The following BNIP2 variants were observed in gnomAD, a reference collection of about 807,000 sequenced individuals.
BNIP2 encodes BCL2/adenovirus E1B 19 kDa protein-interacting protein 2.
BNIP2 carries 36 observed loss-of-function variants against 43.4 expected under a neutral mutation model. The ratio of observed to expected loss-of-function variants is 0.83; its 90% confidence interval spans 0.64 to 1.10. The LOEUF is 1.10. BNIP2 is among the 50% of genes least tolerant of loss of function. The pLI is 0.00. For missense variants in BNIP2, 417 were observed against 374.1 expected (o/e 1.11, Z -0.95); for synonymous variants, 146 against 121.0 (o/e 1.21, Z -1.35).
chr15:59,668,810 A>T, intron 9 of BNIP2, 82 bp downstream of exon 9: 1 of 1,190,648 alleles, frequency 8.4e-7, no homozygotes, highest in Non-Finnish European at 1.2e-6. Flanking sequence ...TAATACATAA[A>T]GAATGAGTAT....
chr15:59,681,672 C>T (rs1243693119), intron 2 of BNIP2, among the ~76,000 whole-genome samples: 3 of 152,020 alleles, frequency 2.0e-5, no homozygotes, highest in African/African-American at 7.2e-5. Flanking sequence ...GTCTCAAACT[C>T]CTGGCCTCAA....
intron 6 of BNIP2, among the ~76,000 whole-genome samples, chr15:59,671,964 C>T (rs1351911100): frequency 1.3e-5 from 2 of 152,062 alleles, no homozygotes; most frequent in Non-Finnish European, 2.9e-5. Context: ...CAGTCCCAGC[C>T]ACTAGGGAGG....
rs1170261488 is a variant in BNIP2, at chr15:59,659,179, G to A, written c.*4890C>T. 2 of 152,160 alleles carry A rather than the reference G, an allele frequency of 1.3e-5. No homozygotes were observed. Among genetic ancestry groups the A allele is most frequent in the African/African-American group, 4.8e-5 (2 of 41,434 alleles). 9.4% of individuals were successfully genotyped at this position (152,160 alleles called of 1,614,324 possible). On this transcript the variant is annotated 3_prime_UTR_variant, in exon 10 of 10. Transcript: ENST00000607373. ...AATTAATTTATTTAAATTCATTAATGTTGCAAAAAATATGATGTGCAACAA... is the reference window on the plus strand; with the variant it reads ...AATTAATTTATTTAAATTCATTAATATTGCAAAAAATATGATGTGCAACAA...
intron 4 of BNIP2, 199 bp downstream of exon 4, chr15:59,679,393 A>G: frequency 4.4e-6 from 2 of 453,782 alleles, no homozygotes; most frequent in Non-Finnish European, 3.8e-6. Flanking sequence ...AAAAAACATG[A>G]GAGCAGTGGG....
In BNIP2 at chr15:59,689,130, C is replaced by A; in HGVS notation, c.-58+5G>T. ...CCGTGCCGAGTTCTCCCAGGCCGCA[C>A]TCACCCCGGAGGAAGCCTTGGCCCC... is the stretch of plus-strand genomic sequence containing the variant. On this transcript the variant is annotated splice_donor_5th_base_variant and intron_variant, in intron 1 of 9. Transcript: ENST00000607373. 6.5e-7 allele frequency: 1 copy of A among 1,535,882 alleles called. No homozygotes were observed. The highest frequency in any genetic ancestry group is 8.7e-7 in the Non-Finnish European group (1 of 1,145,960).
At chr15:59,677,265 T>C in intron 5 of BNIP2, 3 of 1,595,870 alleles carry the variant, frequency 1.9e-6, no homozygotes, top group East Asian at 2.2e-5. Context: ...GACTGAAGTA[T>C]ACAGGAGCTG....
chr15:59,670,127 A>G (rs1261255279), intron 7 of BNIP2, among the ~76,000 whole-genome samples: 1 of 152,194 alleles, frequency 6.6e-6, no homozygotes, highest in African/African-American at 2.4e-5. Flanking sequence ...CAACTAAATA[A>G]GCACCATTAA....
intron 1 of BNIP2, among the ~76,000 whole-genome samples, chr15:59,684,995 CT>C (rs1274800640): frequency 6.6e-6 from 1 of 152,106 alleles, no homozygotes; most frequent in Non-Finnish European, 1.5e-5. Flanking sequence ...GCTTATTTTG[CT>C]TATTAAACTA....
At chr15:59,672,380 A>C in intron 6 of BNIP2, 1 of 281,502 alleles carries the variant, frequency 3.6e-6, no homozygotes, top group Non-Finnish European at 6.7e-6. Context: ...CTCAGGTGAT[A>C]CTTCCACCTC....
At chr15:59,669,252 A>C (rs1487470939) in intron 8 of BNIP2, 24 bp downstream of exon 8, 11 of 1,467,184 alleles carry the variant, frequency 7.5e-6, no homozygotes, top group Non-Finnish European at 1.0e-5. Flanking sequence ...AATAAAATTA[A>C]AGTCAATGGC....
At chr15:59,684,134 C>T (rs1893869061) in intron 1 of BNIP2, among the ~76,000 whole-genome samples, 2 of 152,284 alleles carry the variant, frequency 1.3e-5, no homozygotes, top group East Asian at 1.9e-4. Context: ...AAATTTGTAT[C>T]TCTGCCAAGG....
chr15:59,665,504 G>C (rs1323039838), intron 9 of BNIP2: 4 of 152,424 alleles, frequency 2.6e-5, no homozygotes, highest in African/African-American at 9.7e-5. Context: ...CAGCTACTCA[G>C]AAGGCTGAGG....
chr15:59,684,042 T>C (rs1310148871), intron 1 of BNIP2, among the ~76,000 whole-genome samples: 1 of 152,138 alleles, frequency 6.6e-6, no homozygotes, highest in African/African-American at 2.4e-5. Context: ...TGCACAAAGT[T>C]ACAAAGAAAA....
In BNIP2 at chr15:59,671,315, C is replaced by G. The variant is rs368083466; in HGVS notation, c.576-1G>C. The G allele has an allele frequency of 2.5e-6, 4 of 1,580,898 alleles. No individual in the cohort carries two copies. Among genetic ancestry groups the G allele is most frequent in the Non-Finnish European group, 3.4e-6 (4 of 1,162,100 alleles). On this transcript the variant is annotated splice_acceptor_variant, in intron 6 of 9. Transcript: ENST00000607373. LOFTEE classifies it high-confidence loss of function. ...TAGCTCCAAAGTGCCAATAACATAT[C>G]TGTAAAAAACAAATTAAGTTTAAGC...
At chr15:59,675,065 A>G (rs777083414) in intron 5 of BNIP2, among the ~76,000 whole-genome samples, 63 of 151,628 alleles carry the variant, frequency 4.2e-4, no homozygotes, top group Non-Finnish European at 4.1e-4. Flanking sequence ...CCTGGCCAAT[A>G]TGGTGAAACC....
intron 5 of BNIP2, among the ~76,000 whole-genome samples, chr15:59,676,534 T>C (rs1893302391): frequency 6.6e-6 from 1 of 152,184 alleles, no homozygotes. Flanking sequence ...CAACTTACTG[T>C]ATGCATATAA....
In BNIP2 at chr15:59,671,228, G is replaced by A. The variant is rs1892885840; in HGVS notation, c.662C>T (p.Pro221Leu). ...LNGATTRRKMPSLGWLRKCYQ... is the reference protein window; with the variant it reads ...LNGATTRRKMLSLGWLRKCYQ... ...ACATTTCCTGAGCCATCCCAGACTG[G>A]GCATTTTTCTTCGAGTTGTTGCACC... The change falls in exon 7 of 10, where the codon CCC (proline) becomes CTC (leucine). Residue 221 changes from proline to leucine, a missense_variant. Pro to Leu is a moderately conservative substitution (Grantham distance 98). Coordinates refer to ENST00000607373, the MANE Select transcript of BNIP2 (RefSeq NM_004330.4). 6.9e-6 allele frequency: 11 copies of A among 1,602,444 alleles called. No individual in the cohort carries two copies. The highest frequency in any genetic ancestry group is 8.5e-6 in the Non-Finnish European group (10 of 1,173,752).
chr15:59,670,724 C>A (rs6151551), intron 7 of BNIP2, among the ~76,000 whole-genome samples: 2 of 151,920 alleles, frequency 1.3e-5, no homozygotes, highest in Admixed American at 6.6e-5. Flanking sequence ...CTTTAGAAAA[C>A]AGAAACCTGC....
rs1174118980 is a variant in BNIP2 at position 59,659,373 on chromosome 15, T to G, written c.*4696A>C. 1 of 152,066 alleles carries G rather than the reference T, an allele frequency of 6.6e-6. No homozygotes were observed. Among genetic ancestry groups the G allele is most frequent in the Non-Finnish European group, 1.5e-5 (1 of 68,018 alleles). 9.4% of individuals were successfully genotyped at this position (152,066 alleles called of 1,614,324 possible). A position where few individuals can be genotyped will look rare whatever the true frequency, so the allele number is the denominator to read the frequency against. On this transcript the variant is annotated 3_prime_UTR_variant, in exon 10 of 10. Coordinates refer to ENST00000607373, the MANE Select transcript of BNIP2 (RefSeq NM_004330.4). Reference sequence around the variant, plus strand: ...CGGCTGGGCAACATCATCTTAAGAGTAGGAAAATATCACAGTACATTAATT... The same window carrying G: ...CGGCTGGGCAACATCATCTTAAGAGGAGGAAAATATCACAGTACATTAATT...
Sources: allele counts gnomAD v4.1 joint callset (sites outside exome capture counted in the v4.1 genomes callset), GRCh38; gene constraint gnomAD v4.1.1; transcripts MANE v1.5; gene names NCBI Gene and HGNC (gene_info 2026-07-23, HGNC 2026-07-21).